CHTF18: variants seen among roughly 807,000 people sequenced by gnomAD.
The protein encoded by CHTF18 is chromosome transmission fidelity protein 18 homolog.
Under a neutral mutation model 113.4 loss-of-function variants are expected in CHTF18, and 151 were observed. The ratio of observed to expected loss-of-function variants is 1.33; its 90% CI spans 1.17 to 1.52. CHTF18 has a LOEUF of 1.52. CHTF18 is among the 40% of genes most tolerant of loss of function. CHTF18 has a pLI of 0.00. For synonymous variants in CHTF18, 916 were observed against 598.8 expected (o/e 1.53, Z -7.74); for missense variants, 1,982 against 1,381.6 (o/e 1.43, Z -6.89).
Position 796,217 on chromosome 16 carries a change from C to T in CHTF18, c.2456+140C>T, listed in dbSNP as rs146425809. 1.7e-3 allele frequency: 1,908 copies of T among 1,144,174 alleles called. 21 individuals are homozygous for T. The African/African-American group carries it at 0.026, about 15-fold the overall frequency. 70.9% of individuals were successfully genotyped at this position (1,144,174 alleles called of 1,614,324 possible). ...GGCGGGCCCCAGCTTATCTTTTGCTCAGATGTAACCGTGAAGGGGGGTCAC... is the reference window on the plus strand; with the variant it reads ...GGCGGGCCCCAGCTTATCTTTTGCTTAGATGTAACCGTGAAGGGGGGTCAC... On this transcript the variant is annotated intron_variant, in intron 18 of 21. Transcript: ENST00000262315.
rs2042374205 is a variant in CHTF18 at position 797,168 on chromosome 16, G to T, written c.2733+76G>T. On this transcript the variant is annotated intron_variant, in intron 20 of 21. Coordinates refer to ENST00000262315, the MANE Select transcript of CHTF18 (RefSeq NM_022092.3). ...GTGTGGCTAGGGCAGTCATGAGGCG[G>T]GGCCAAGGCACCCATGGGGTGGGGC... 6 of 1,431,388 alleles carry T rather than the reference G, an allele frequency of 4.2e-6. No individual in the cohort carries two copies. In the East Asian group the frequency reaches 1.5e-4, roughly 36 times the overall value. 88.7% of individuals were successfully genotyped at this position (1,431,388 alleles called of 1,614,324 possible).
intron 14 of CHTF18, chr16:793,852 C>T (rs912268007): frequency 2.5e-5 from 16 of 648,698 alleles, no homozygotes; most frequent in Middle Eastern, 3.9e-4. Flanking sequence ...GAGTGGGGCT[C>T]CTCGGCTTAA....
At chr16:795,486 G>GC (rs1205307602) in intron 16 of CHTF18, 130 bp downstream of exon 16, 2 of 331,242 alleles carry the variant, frequency 6.0e-6, no homozygotes, top group East Asian at 6.4e-5. Context: ...CCGGCCCCGT[G>GC]CCCGCCCCCC....
Position 790,232 on chromosome 16 carries a change from T to C in CHTF18, c.662T>C (p.Val221Ala), listed in dbSNP as rs1416518804. ...GGTGGCCAGCTGGACCTGCTGGGTGTGTCCTTAGCCTCCCTGAAGAAGCAG... is the reference window on the plus strand; with the variant it reads ...GGTGGCCAGCTGGACCTGCTGGGTGCGTCCTTAGCCTCCCTGAAGAAGCAG... The part of the protein sequence containing the change: ...RGGGQLDLLG[V>A]SLASLKKQVD... Residue 221 changes from valine to alanine, a missense_variant, in exon 5 of 22, where the codon GTG (valine) becomes GCG (alanine). Transcript: ENST00000262315. 1 of 1,606,668 alleles carries C rather than the reference T, an allele frequency of 6.2e-7. No individual in the cohort carries two copies. The highest frequency in any genetic ancestry group is 1.1e-5 in the South Asian group (1 of 89,816).
intron 18 of CHTF18, among the ~76,000 whole-genome samples, chr16:796,423 C>T (rs973481786): frequency 5.3e-5 from 8 of 152,224 alleles, no homozygotes; most frequent in African/African-American, 1.2e-4. Flanking sequence ...GCAGTGGCCC[C>T]GGGGTCCTGC....
chr16:795,234 G>C lies in CHTF18; in HGVS notation c.2053G>C (p.Ala685Pro). ...GGCCTTCGATGACCTGCTGGCGGGG[G>C]CTGCTCATCACAGCCAGAGCTTCCA... ...WLAFDDLLAGAAHHSQSFQLL... is the reference protein window; with the variant it reads ...WLAFDDLLAGPAHHSQSFQLL... The change falls in exon 16 of 22, where the codon GCT (alanine) becomes CCT (proline). Residue 685 changes from alanine to proline, a missense_variant. Physicochemically the swap from Ala to Pro is conservative, Grantham distance 27 (BLOSUM62 -1). Transcript: ENST00000262315. The C allele has an allele frequency of 6.4e-7, 1 of 1,550,778 alleles. No homozygotes were observed.
Position 792,476 on chromosome 16 carries a change from AGG to A in CHTF18, c.1367_1368del (p.Gly456AlafsTer36). ...GTCCTCCTGAGCATCCTGAACCGCA[AGG>A]GGCCACAGGAGGTGGGGCCACAGGG... On this transcript the variant is annotated frameshift_variant, in exon 11 of 22. Transcript: ENST00000262315. LOFTEE classifies it high-confidence loss of function. 6.3e-7 allele frequency: 1 copy of A among 1,584,792 alleles called. No homozygotes were observed. Among genetic ancestry groups the A allele is most frequent in the Non-Finnish European group, 8.6e-7 (1 of 1,166,036 alleles).
intron 13 of CHTF18, 30 bp downstream of exon 13, chr16:793,094 G>C (rs1281715321): frequency 1.9e-6 from 3 of 1,566,898 alleles, no homozygotes; most frequent in African/African-American, 2.7e-5. Context: ...CGGGTGGGGT[G>C]GGGTGGGGTC....
chr16:790,049 A>G (rs1390074404), intron 4 of CHTF18, 128 bp from the exon 5 acceptor site: 4 of 1,536,246 alleles, frequency 2.6e-6, no homozygotes, highest in Non-Finnish European at 3.5e-6. Context: ...ACCCCTGTCC[A>G]GTCTCCCACC....
In CHTF18 at chr16:788,731, A is replaced by T. The variant is rs750539780; in HGVS notation, c.47A>T (p.His16Leu). The change falls in exon 1 of 22, where the codon CAC becomes CTC. Residue 16 changes from histidine to leucine, a missense_variant. Transcript: ENST00000262315. The stretch of plus-strand genomic sequence containing the variant: ...CTGTGCGGCGTCGAGGATGATTTCC[A>T]CAACCAGTTCGCGGCCGAGCTGGAG... ...QELCGVEDDF[H>L]NQFAAELEVL... 1.2e-6 allele frequency: 2 copies of T among 1,603,188 alleles called. No homozygotes were observed. The highest frequency in any genetic ancestry group is 1.7e-6 in the Non-Finnish European group (2 of 1,176,010).
At position 792,970 on chromosome 16, in the gene CHTF18, C is replaced by G. The variant is rs2042241208; in HGVS notation, c.1577C>G (p.Ser526Cys). The G allele has an allele frequency of 6.4e-7, 1 of 1,557,036 alleles. No individual in the cohort carries two copies. The highest frequency in any genetic ancestry group is 8.7e-7 in the Non-Finnish European group (1 of 1,150,892). Residue 526 changes from serine (S) to cysteine (C), a missense_variant, in exon 13 of 22, where the codon TCC becomes TGC. Coordinates refer to ENST00000262315, the MANE Select transcript of CHTF18 (RefSeq NM_022092.3). ...SRLVQRLQEVSLRQGMRADPG... is the reference protein window; with the variant it reads ...SRLVQRLQEVCLRQGMRADPG... The stretch of plus-strand genomic sequence containing the variant: ...CCAGCAGCCCTTCTCCACCAGGTCT[C>G]CCTGCGGCAGGGCATGAGGGCCGAC...
chr16:794,844 G>C (rs1402134989), intron 15 of CHTF18: 1 of 462,832 alleles, frequency 2.2e-6, no homozygotes, highest in African/African-American at 2.0e-5. Context: ...GAGGCCTCCT[G>C]GTGGGTCACC....
chr16:793,918 C>T (rs529356900), intron 14 of CHTF18, 136 bp from the exon 15 acceptor site: 42 of 979,516 alleles, frequency 4.3e-5, no homozygotes, highest in East Asian at 1.0e-4. Context: ...TCCACCTGAG[C>T]GAGGCAGCAA....
intron 5 of CHTF18, 24 bp downstream of exon 5, chr16:790,293 G>A: frequency 1.9e-6 from 3 of 1,608,836 alleles, no homozygotes; most frequent in Non-Finnish European, 2.5e-6. Context: ...GTTTGCTGGG[G>A]GGCGGTGGCG....
chr16:794,826 G>A, intron 15 of CHTF18: 1 of 428,934 alleles, frequency 2.3e-6, no homozygotes, highest in Non-Finnish European at 4.3e-6. Flanking sequence ...GGATCCCTTT[G>A]GTTCCTGGAG....
chr16:795,080 G>A, intron 15 of CHTF18, 52 bp from the exon 16 acceptor site: 6 of 1,422,240 alleles, frequency 4.2e-6, no homozygotes, highest in Non-Finnish European at 5.7e-6. Flanking sequence ...GTCCGTGGTG[G>A]TGCACCTTCC....
rs548058952 is a variant in CHTF18, at chr16:792,608, C to T, written c.1478+18C>T. On this transcript the variant is annotated intron_variant, in intron 11 of 21. Transcript: ENST00000262315. ...AATGACCAGTGAGTGCATGGGCGGG[C>T]GCCACAGTCAGGAGAGGCTCTGGTG... is the stretch of plus-strand genomic sequence containing the variant. 4.9e-5 allele frequency: 78 copies of T among 1,591,814 alleles called. No homozygotes were observed. The highest frequency in any genetic ancestry group is 3.6e-4 in the African/African-American group (27 of 74,248).
chr16:790,098 C>A, intron 4 of CHTF18, 79 bp from the exon 5 acceptor site: 1 of 1,540,516 alleles, frequency 6.5e-7, no homozygotes, highest in Non-Finnish European at 8.7e-7. Flanking sequence ...CCACCCGGGT[C>A]CCTGAGCACT....
chr16:797,925 G>A lies in CHTF18; in HGVS notation c.2878G>A (p.Gly960Ser). ...CGAGGTCTGGTTCCGCTTCAACGAG[G>A]GTGTCTCCAACGCCGTGCGGCGCAG... ...RSEVWFRFNE[G>S]VSNAVRRSLY... The change falls in exon 22 of 22, where the codon GGT becomes AGT. Residue 960 changes from glycine (G) to serine (S), a missense_variant. Transcript: ENST00000262315. 3 of 1,612,388 alleles carry A rather than the reference G, an allele frequency of 1.9e-6. No homozygotes were observed. Among genetic ancestry groups the A allele is most frequent in the South Asian group, 2.2e-5 (2 of 91,012 alleles).
Sources: allele counts gnomAD v4.1 joint callset (sites outside exome capture counted in the v4.1 genomes callset), GRCh38; gene constraint gnomAD v4.1.1; transcripts MANE v1.5; gene names NCBI Gene and HGNC (gene_info 2026-07-23, HGNC 2026-07-21).